Variants in BMERB1 observed in about 807,000 individuals in gnomAD.
The protein encoded by BMERB1 is bMERB domain-containing protein 1.
A neutral mutation model predicts 23.6 loss-of-function variants in BMERB1; 12 were observed. The ratio of observed to expected loss-of-function variants is 0.51; its 90% confidence interval spans 0.33 to 0.82. BMERB1 has a LOEUF of 0.82. Ranked by LOEUF, BMERB1 falls within the 40% of genes least tolerant of loss-of-function variation. The pLI is 0.03. For missense variants in BMERB1, 247 were observed against 255.4 expected, an observed-to-expected ratio of 0.97 and a Z score of 0.22; for synonymous variants, 122 against 96.6, an observed-to-expected ratio of 1.26 and a Z score of -1.54.
chr16:15,572,709 T>G (rs2030759071), intron 3 of BMERB1, among the ~76,000 whole-genome samples: 1 of 152,186 alleles, frequency 6.6e-6, no homozygotes, highest in African/African-American at 2.4e-5. Flanking sequence ...ACTCTGGCAT[T>G]GTAATAGAAC....
intron 3 of BMERB1, chr16:15,577,353 C>T (rs950191587): frequency 6.6e-6 from 1 of 152,132 alleles, no homozygotes; most frequent in African/African-American, 2.4e-5. Flanking sequence ...ACTTCCTTAC[C>T]CTATCTGCCT....
intron 1 of BMERB1, among the ~76,000 whole-genome samples, chr16:15,478,222 A>G (rs1446555877): frequency 6.6e-6 from 1 of 151,888 alleles, no homozygotes. Flanking sequence ...CAGTGGCACA[A>G]TCTCGGCTCA....
At chr16:15,466,937 G>T (rs756829187) in intron 1 of BMERB1, among the ~76,000 whole-genome samples, 21 of 152,224 alleles carry the variant, frequency 1.4e-4, no homozygotes, top group Middle Eastern at 3.4e-3. Context: ...TTAAAGAAAT[G>T]GAATCATGCA....
intron 1 of BMERB1, among the ~76,000 whole-genome samples, chr16:15,450,891 C>T (rs1294624057): frequency 2.0e-5 from 3 of 152,134 alleles, no homozygotes; most frequent in African/African-American, 7.2e-5. Flanking sequence ...CATGCTGCTG[C>T]ATTGCCCAAG....
chr16:15,455,996 G>C (rs886365114), intron 1 of BMERB1, among the ~76,000 whole-genome samples: 4 of 152,180 alleles, frequency 2.6e-5, no homozygotes, highest in African/African-American at 9.6e-5. Context: ...TTAAGGGAGT[G>C]AAGTAATTTG....
chr16:15,453,864 C>T (rs2051063029), intron 1 of BMERB1, among the ~76,000 whole-genome samples: 1 of 152,056 alleles, frequency 6.6e-6, no homozygotes, highest in Admixed American at 6.6e-5. Context: ...ACAGAGCTAA[C>T]TCTGTCTCAA....
chr16:15,581,285 C>G lies in BMERB1; in HGVS notation c.373C>G (p.Gln125Glu), dbSNP rs1324738153. 1 of 1,614,002 alleles carries G rather than the reference C, an allele frequency of 6.2e-7. No individual in the cohort carries two copies. Among genetic ancestry groups the G allele is most frequent in the African/African-American group, 1.3e-5 (1 of 74,936 alleles). ...ELIQKIHKLV[Q>E]KRDFLVDDAE... Reference sequence around the variant, plus strand: ...AATCCAGAAGATCCACAAACTGGTGCAGAAGAGAGACTTCCTGGTGGACGA... The same window carrying G: ...AATCCAGAAGATCCACAAACTGGTGGAGAAGAGAGACTTCCTGGTGGACGA... Residue 125 changes from glutamine to glutamate, a missense_variant, in exon 4 of 6, where the codon CAG (glutamine) becomes GAG (glutamate). Gln to Glu is a conservative substitution (Grantham distance 29). Transcript: ENST00000300006.
At chr16:15,569,024 T>G (rs1224201497) in intron 3 of BMERB1, among the ~76,000 whole-genome samples, 1 of 152,068 alleles carries the variant, frequency 6.6e-6, no homozygotes, top group Non-Finnish European at 1.5e-5. Flanking sequence ...GAGAACAGCC[T>G]GGCAAACATG....
At chr16:15,518,868 A>G (rs1427477455) in intron 2 of BMERB1, among the ~76,000 whole-genome samples, 1 of 151,854 alleles carries the variant, frequency 6.6e-6, no homozygotes, top group Non-Finnish European at 1.5e-5. Context: ...GAGGAAAGAA[A>G]AGGAGGAAGG....
chr16:15,492,599 G>C (rs1174993239), intron 1 of BMERB1, among the ~76,000 whole-genome samples: 1 of 152,150 alleles, frequency 6.6e-6, no homozygotes, highest in Non-Finnish European at 1.5e-5. Context: ...AACTCATCTT[G>C]ATGGGATGTA....
At chr16:15,470,825 CTTTTTTTTTTTTTT>C (rs35873574) in intron 1 of BMERB1, among the ~76,000 whole-genome samples, 7 of 49,388 alleles carry the variant, frequency 1.4e-4, no homozygotes, top group African/African-American at 2.5e-4. Flanking sequence ...CACCTGGCCT[CTTTTTTTTTTTTTT>C]TTTTTTTTTT....
chr16:15,499,808 G>A (rs1453526974), intron 1 of BMERB1, among the ~76,000 whole-genome samples: 1 of 152,138 alleles, frequency 6.6e-6, no homozygotes, highest in Non-Finnish European at 1.5e-5. Flanking sequence ...GGAAGATGTC[G>A]CAGCATTATT....
At chr16:15,437,048 A>G (rs1452388028) in intron 1 of BMERB1, among the ~76,000 whole-genome samples, 1 of 152,210 alleles carries the variant, frequency 6.6e-6, no homozygotes, top group African/African-American at 2.4e-5. Context: ...TGGCAGAACC[A>G]GGATTTGAAC....
intron 2 of BMERB1, among the ~76,000 whole-genome samples, chr16:15,535,236 A>G (rs1390117502): frequency 6.6e-6 from 1 of 152,104 alleles, no homozygotes; most frequent in African/African-American, 2.4e-5. Context: ...CTGTAGCTTC[A>G]GCTATTCTAG....
intron 1 of BMERB1, among the ~76,000 whole-genome samples, chr16:15,513,290 A>G (rs968059486): frequency 8.5e-5 from 13 of 152,136 alleles, no homozygotes; most frequent in African/African-American, 2.9e-4. Flanking sequence ...ACAGTGGGGA[A>G]AAAATAGGAA....
intron 3 of BMERB1, among the ~76,000 whole-genome samples, chr16:15,575,806 G>A (rs1439887938): frequency 1.3e-5 from 2 of 151,744 alleles, no homozygotes; most frequent in East Asian, 1.9e-4. Context: ...CTGATTGGTC[G>A]CAGAAAGCTT....
intron 3 of BMERB1, among the ~76,000 whole-genome samples, chr16:15,575,182 T>G (rs1013428193): frequency 5.3e-5 from 8 of 152,168 alleles, no homozygotes; most frequent in African/African-American, 1.9e-4. Flanking sequence ...TGGAAGACAC[T>G]TAGAACAAGG....
chr16:15,574,605 A>G (rs2030811165), intron 3 of BMERB1, among the ~76,000 whole-genome samples: 1 of 151,866 alleles, frequency 6.6e-6, no homozygotes, highest in South Asian at 2.1e-4. Context: ...TTTTAAAGGC[A>G]GGGGTAAATT....
At chr16:15,561,489 G>A (rs545146637) in intron 2 of BMERB1, among the ~76,000 whole-genome samples, 36 of 151,534 alleles carry the variant, frequency 2.4e-4, no homozygotes, top group African/African-American at 8.7e-4. Context: ...GGCTGGTCTT[G>A]AACTCCTGAC....
Sources: gnomAD v4.1 joint callset for allele counts (sites outside exome capture counted in the v4.1 genomes callset) on GRCh38, gnomAD v4.1.1 for gene constraint, MANE v1.5 for transcripts, NCBI Gene and HGNC (gene_info 2026-07-23, HGNC 2026-07-21) for gene names.